Variants in OTULIN observed in about 807,000 individuals in gnomAD.
OTULIN encodes the protein OTU deubiquitinase with linear linkage specificity, also known as ubiquitin thioesterase otulin.
A neutral mutation model predicts 39.6 loss-of-function variants in OTULIN; 15 were observed. The ratio of observed to expected loss-of-function variants is 0.38; its 90% CI spans 0.25 to 0.58. OTULIN has a LOEUF of 0.58. Among genes scored for constraint, OTULIN ranks in the 20% least tolerant of loss-of-function variants. The pLI is 0.66. For missense variants in OTULIN, 319 were observed against 445.9 expected (o/e 0.72, Z 2.56); for synonymous variants, 156 against 170.3 (o/e 0.92, Z 0.65).
chr5:14,681,005 A>C (rs1192350438), intron 3 of OTULIN, among the ~76,000 whole-genome samples: 1 of 152,318 alleles, frequency 6.6e-6, no homozygotes, highest in East Asian at 1.9e-4. Context: ...GGTTGCAGTG[A>C]GCCGAGATTG....
At chr5:14,714,974 C>T in the OTULIN span, among the ~76,000 whole-genome samples, 18 of 152,354 alleles carry the variant, frequency 1.2e-4, no homozygotes, top group African/African-American at 2.6e-4. Flanking sequence ...GAGCTTGGTT[C>T]GCCCTGTGTC....
the OTULIN span, chr5:14,712,868 T>A: frequency 1.9e-6 from 3 of 1,604,216 alleles, no homozygotes; most frequent in Non-Finnish European, 2.6e-6. Flanking sequence ...GGCGCGGCTG[T>A]CTCACCTGCT....
intron 1 of OTULIN, 60 bp from the exon 2 acceptor site, chr5:14,673,582 T>C: frequency 6.7e-7 from 1 of 1,488,416 alleles, no homozygotes; most frequent in Non-Finnish European, 9.3e-7. Context: ...AGCTGTATAA[T>C]AGGACGGAAA....
At chr5:14,669,090 G>A (rs548657595) in intron 1 of OTULIN, among the ~76,000 whole-genome samples, 62 of 152,074 alleles carry the variant, frequency 4.1e-4, no homozygotes, top group African/African-American at 1.4e-3. Context: ...TAGGCCGGGC[G>A]CGGTGGCTCA....
the OTULIN span, chr5:14,711,369 C>G: frequency 1.4e-6 from 2 of 1,453,504 alleles, no homozygotes; most frequent in Non-Finnish European, 1.9e-6. Context: ...CACAGCAGAA[C>G]CACGAGCAGG....
At chr5:14,671,584 G>A (rs770991491) in intron 1 of OTULIN, among the ~76,000 whole-genome samples, 6 of 152,174 alleles carry the variant, frequency 3.9e-5, no homozygotes, top group South Asian at 2.1e-4. Context: ...GGCCTTTGAT[G>A]TATGGTCCCC....
chr5:14,691,501 C>T (rs1046532942), intron 6 of OTULIN, among the ~76,000 whole-genome samples: 10 of 152,066 alleles, frequency 6.6e-5, no homozygotes, highest in Non-Finnish European at 1.2e-4. Context: ...TAGCAAGTAC[C>T]TTGCAGTCAA....
intron 1 of OTULIN, among the ~76,000 whole-genome samples, chr5:14,667,891 A>G (rs544360929): frequency 9.2e-5 from 14 of 152,164 alleles, no homozygotes; most frequent in South Asian, 6.2e-4. Flanking sequence ...CTGCTCTCCT[A>G]TGCTCTATCC....
Position 14,673,676 on chromosome 5 carries a change from G to C in OTULIN, c.187G>C (p.Glu63Gln), listed in dbSNP as rs1237157737. Residue 63 changes from glutamate to glutamine, a missense_variant, in exon 2 of 7, where the codon GAA becomes CAA. This residue lies in a region of OTULIN where 132 missense variants were observed against 143.7 expected (regional missense o/e 0.92). Coordinates refer to ENST00000284274, the MANE Select transcript of OTULIN (RefSeq NM_138348.6). ...EDMYRAADEI[E>Q]KEKELLIHER... ...CATGTACCGTGCTGCAGATGAAATA[G>C]AAAAGGAGAAAGAATTGCTTATACA... is the stretch of plus-strand genomic sequence containing the variant. 8 of 1,613,674 alleles carry C rather than the reference G, an allele frequency of 5.0e-6. No homozygotes were observed. Among genetic ancestry groups the C allele is most frequent in the Non-Finnish European group, 6.8e-6 (8 of 1,179,856 alleles).
chr5:14,712,853 C>G, the OTULIN span: 8 of 1,582,806 alleles, frequency 5.1e-6, no homozygotes, highest in Admixed American at 3.6e-5. Context: ...CGGGAGGAGG[C>G]TCCCGGCGCG....
chr5:14,693,135 G>A lies in OTULIN; in HGVS notation c.*87G>A, dbSNP rs895334827. On this transcript the variant is annotated 3_prime_UTR_variant, in exon 7 of 7. Transcript: ENST00000284274. Reference sequence around the variant, plus strand: ...GGGCTGCAGGTTTGGGGGTCTCTAAGAACAATCTCTGAGAAGAACCCTTGG... The same window carrying A: ...GGGCTGCAGGTTTGGGGGTCTCTAAAAACAATCTCTGAGAAGAACCCTTGG... 28 of 1,323,336 alleles carry A rather than the reference G, an allele frequency of 2.1e-5. No homozygotes were observed. Among genetic ancestry groups the A allele is most frequent in the Non-Finnish European group, 2.7e-5 (26 of 969,002 alleles). The allele number at this position is 1,323,336 out of a possible 1,614,324, so 82.0% of individuals were successfully genotyped here.
intron 1 of OTULIN, among the ~76,000 whole-genome samples, chr5:14,672,650 C>A (rs1021862896): frequency 6.6e-6 from 1 of 152,120 alleles, no homozygotes; most frequent in African/African-American, 2.4e-5. Context: ...TCCTTGTTTT[C>A]TGCTCAGTGT....
the OTULIN span, chr5:14,713,106 C>G: frequency 1.1e-6 from 1 of 873,482 alleles, no homozygotes; most frequent in Non-Finnish European, 1.8e-6. This position sits in a 1 kb window ranked among gnomAD's most constrained non-coding sequence, Gnocchi z 4.4. Flanking sequence ...CTGCTGGCTT[C>G]GTAAGGGCCG....
intron 4 of OTULIN, among the ~76,000 whole-genome samples, chr5:14,684,645 G>T (rs576312789): frequency 6.6e-6 from 1 of 152,068 alleles, no homozygotes; most frequent in African/African-American, 2.4e-5. Context: ...AATAAATCAG[G>T]GGTGGAACCT....
At chr5:14,670,370 C>T (rs1177889852) in intron 1 of OTULIN, among the ~76,000 whole-genome samples, 1 of 152,152 alleles carries the variant, frequency 6.6e-6, no homozygotes, top group African/African-American at 2.4e-5. Context: ...TTGTTTTCAG[C>T]TTTATTATTT....
At chr5:14,692,812 A>C (rs1736564849) in intron 6 of OTULIN, 42 bp from the exon 7 acceptor site, 1 of 1,581,356 alleles carries the variant, frequency 6.3e-7, no homozygotes, top group African/African-American at 1.3e-5. Context: ...CACGTTTTTC[A>C]GTGTGATCTT....
At chr5:14,673,903 A>C in intron 2 of OTULIN, 185 bp downstream of exon 2, 1 of 445,190 alleles carries the variant, frequency 2.2e-6, no homozygotes, top group South Asian at 3.4e-5. Flanking sequence ...TTTTAATGCA[A>C]ACATTCTCTC....
the OTULIN span, chr5:14,707,376 C>T: frequency 1.1e-4 from 17 of 152,194 alleles, no homozygotes; most frequent in Admixed American, 2.0e-4. Context: ...GTTACTCTCC[C>T]CCTGCCCCTT....
At position 14,693,121 on chromosome 5, in the gene OTULIN, T is replaced by C. The variant is rs1290074715; in HGVS notation, c.*73T>C. 7.0e-6 allele frequency: 10 copies of C among 1,424,228 alleles called. No individual in the cohort carries two copies. The highest frequency in any genetic ancestry group is 9.5e-6 in the Non-Finnish European group (10 of 1,050,302). The allele number at this position is 1,424,228 out of a possible 1,614,324, so 88.2% of individuals were successfully genotyped here. A position where few individuals can be genotyped will look rare whatever the true frequency, so the allele number is the denominator to read the frequency against. On this transcript the variant is annotated 3_prime_UTR_variant, in exon 7 of 7. Transcript: ENST00000284274. ...TGGCTCCTGGGCTTGGGCTGCAGGT[T>C]TGGGGGTCTCTAAGAACAATCTCTG...
Sources: gnomAD v4.1 joint callset for allele counts (sites outside exome capture counted in the v4.1 genomes callset) on GRCh38, gnomAD v4.1.1 for gene constraint, gnomAD v4.1.1 regional missense constraint, Gnocchi (gnomAD v3.1) non-coding constraint, MANE v1.5 for transcripts, NCBI Gene and HGNC (gene_info 2026-07-23, HGNC 2026-07-21) for gene names.